TMEM120B: variants seen among roughly 807,000 people sequenced by gnomAD.
TMEM120B encodes transmembrane protein 120B.
TMEM120B carries 31 observed loss-of-function variants against 55.5 expected under a neutral mutation model. The observed-to-expected ratio is 0.56, with a 90% confidence interval of 0.42 to 0.75. The LOEUF (loss-of-function observed/expected upper bound fraction) is 0.75, where lower values mean the gene tolerates loss of function less well. TMEM120B is among the 30% of genes least tolerant of loss of function. The pLI, the probability that TMEM120B is intolerant of heterozygous loss-of-function variation, is 0.00. For synonymous variants in TMEM120B, 203 were observed against 176.3 expected (o/e 1.15, Z -1.20); for missense variants, 399 against 425.5 (o/e 0.94, Z 0.55).
In TMEM120B at chr12:121,736,014, G is replaced by A. The variant is rs1233256709; in HGVS notation, c.70-7615G>A. ...ATTTTAAACAATAATCTATAAAAGT[G>A]TTACTACCTAAGGACTTTCACTCAA... is the stretch of plus-strand genomic sequence containing the variant. On this transcript the variant is annotated intron_variant, in intron 1 of 11. Coordinates refer to ENST00000449592, the MANE Select transcript of TMEM120B (RefSeq NM_001080825.2). 2.6e-5 allele frequency among the ~76,000 whole-genome samples: 4 copies of A among 152,032 alleles called. No individual in the cohort carries two copies. In the South Asian group the frequency reaches 6.2e-4, roughly 24 times the overall value.
chr12:121,732,701 C>T (rs1044971984), intron 1 of TMEM120B, among the ~76,000 whole-genome samples: 21 of 152,066 alleles, frequency 1.4e-4, no homozygotes, highest in African/African-American at 4.1e-4. Context: ...ATAACAAGGC[C>T]GGACGCGGTG....
chr12:121,763,895 C>T (rs953439103), intron 6 of TMEM120B, among the ~76,000 whole-genome samples: 1 of 152,150 alleles, frequency 6.6e-6, no homozygotes, highest in Non-Finnish European at 1.5e-5. Flanking sequence ...CTTGTGGTTT[C>T]GTATGGCAGG....
At chr12:121,721,804 C>CTTTTTTTTTTTTT (rs56702857) in intron 1 of TMEM120B, among the ~76,000 whole-genome samples, 6 of 91,852 alleles carry the variant, frequency 6.5e-5, no homozygotes, top group Non-Finnish European at 1.0e-4. Flanking sequence ...ATCAGTTCTA[C>CTTTTTTTTTTTTT]TTTTTTTTTT....
chr12:121,750,325 G>T, intron 3 of TMEM120B, 55 bp from the exon 4 acceptor site: 1 of 1,531,568 alleles, frequency 6.5e-7, no homozygotes, highest in African/African-American at 1.4e-5. Flanking sequence ...TTTGAATGTT[G>T]TTGATTCGCA....
At chr12:121,723,490 G>A (rs1161153882) in intron 1 of TMEM120B, among the ~76,000 whole-genome samples, 8 of 152,156 alleles carry the variant, frequency 5.3e-5, no homozygotes, top group Non-Finnish European at 2.9e-5. Context: ...TTGTGCTGGC[G>A]GGGCAGGAGC....
chr12:121,738,697 G>C (rs1872826554), intron 1 of TMEM120B, among the ~76,000 whole-genome samples: 2 of 152,170 alleles, frequency 1.3e-5, no homozygotes, highest in Non-Finnish European at 1.5e-5. Context: ...GCAGAAACTG[G>C]ATGGGCATCC....
At chr12:121,714,504 C>G (rs1045240864) in intron 1 of TMEM120B, among the ~76,000 whole-genome samples, 37 of 151,640 alleles carry the variant, frequency 2.4e-4, no homozygotes, top group African/African-American at 8.7e-4. Context: ...CCTCGGCCTC[C>G]CAAAGTGCTG....
intron 1 of TMEM120B, among the ~76,000 whole-genome samples, chr12:121,716,131 CT>C (rs1894697077): frequency 6.6e-6 from 1 of 151,144 alleles, no homozygotes; most frequent in Admixed American, 6.7e-5. Flanking sequence ...AGGGAAACCC[CT>C]GTCTCTACAA....
Position 121,777,045 on chromosome 12 carries a change from T to G in TMEM120B, c.*1323T>G, listed in dbSNP as rs1466581503. The stretch of plus-strand genomic sequence containing the variant: ...ATCTCAGCTCACTGCAACCTCTGCC[T>G]CCCAGGTTCAAGTGATTCTCCTGCC... On this transcript the variant is annotated 3_prime_UTR_variant, in exon 12 of 12. Transcript: ENST00000449592. The G allele has an allele frequency of 6.6e-6, 1 of 150,592 alleles. No homozygotes were observed. Among genetic ancestry groups the G allele is most frequent in the Non-Finnish European group, 1.5e-5 (1 of 67,814 alleles). The allele number at this position is 150,592 out of a possible 1,614,324, so 9.3% of individuals were successfully genotyped here.
chr12:121,779,698 C>T lies in TMEM120B; in HGVS notation c.*3976C>T, dbSNP rs1398009531. The T allele has an allele frequency of 3.1e-6, 5 of 1,610,042 alleles. No homozygotes were observed. The African/African-American group carries it at 5.3e-5, about 17-fold the overall frequency. The stretch of plus-strand genomic sequence containing the variant: ...GGAGGAGCCAGCATTAGGTGAGGGG[C>T]CCCTGGAGGTCTCCTAGCACCACCT... On this transcript the variant is annotated 3_prime_UTR_variant, in exon 12 of 12. Transcript: ENST00000449592.
At chr12:121,773,391 C>T in intron 8 of TMEM120B, 30 bp from the exon 9 acceptor site, 5 of 1,587,366 alleles carry the variant, frequency 3.1e-6, no homozygotes, top group Non-Finnish European at 3.4e-6. Flanking sequence ...ACACCAGGCC[C>T]TGAGCCCAGG....
rs1273510085 is a variant in TMEM120B at position 121,780,964 on chromosome 12, C to T, written c.*5242C>T. 1 of 1,614,090 alleles carries T rather than the reference C, an allele frequency of 6.2e-7. No individual in the cohort carries two copies. The highest frequency in any genetic ancestry group is 1.7e-5 in the Admixed American group (1 of 60,010). On this transcript the variant is annotated 3_prime_UTR_variant, in exon 12 of 12. Transcript: ENST00000449592. The stretch of plus-strand genomic sequence containing the variant: ...AGGTCTGTCTTGCAGCCGATGAGCA[C>T]CATGGGGATCCCGCGGCAGAAATGC...
chr12:121,723,425 G>A (rs1487238091), intron 1 of TMEM120B, among the ~76,000 whole-genome samples: 2 of 152,188 alleles, frequency 1.3e-5, no homozygotes, highest in African/African-American at 4.8e-5. Context: ...ACAGCAGGGA[G>A]CTGTTACTAG....
At chr12:121,763,217 C>T (rs1184229763) in intron 6 of TMEM120B, among the ~76,000 whole-genome samples, 3 of 138,262 alleles carry the variant, frequency 2.2e-5, no homozygotes, top group Admixed American at 8.2e-5. Flanking sequence ...GGCTGGAGTG[C>T]AGTGGCGCAA....
intron 10 of TMEM120B, 117 bp from the exon 11 acceptor site, chr12:121,774,945 C>A: frequency 1.7e-6 from 2 of 1,194,336 alleles, no homozygotes; most frequent in Non-Finnish European, 2.4e-6. Context: ...GGGTGTCTGT[C>A]AGTGTTGTGG....
At chr12:121,714,118 G>A (rs962221450) in intron 1 of TMEM120B, among the ~76,000 whole-genome samples, 4 of 152,090 alleles carry the variant, frequency 2.6e-5, no homozygotes, top group African/African-American at 9.7e-5. Flanking sequence ...GAATAGAGGG[G>A]AAGGGACCTA....
Position 121,775,497 on chromosome 12 carries a change from C to T in TMEM120B, c.907-112C>T, listed in dbSNP as rs1874209409. On this transcript the variant is annotated intron_variant, in intron 11 of 11. Coordinates refer to ENST00000449592, the MANE Select transcript of TMEM120B (RefSeq NM_001080825.2). This position sits in a 1 kb window ranked among gnomAD's most constrained non-coding sequence, Gnocchi z 4.3. ...TGAATCTCTGCCTTCGATGGCAAAACCCTGCAGTTTGGGAGTTTGGGGGCA... is the reference window on the plus strand; with the variant it reads ...TGAATCTCTGCCTTCGATGGCAAAATCCTGCAGTTTGGGAGTTTGGGGGCA... The T allele has an allele frequency of 2.0e-6, 3 of 1,477,932 alleles. No homozygotes were observed. Among genetic ancestry groups the T allele is most frequent in the South Asian group, 2.8e-5 (2 of 72,470 alleles). 91.6% of individuals were successfully genotyped at this position (1,477,932 alleles called of 1,614,324 possible).
chr12:121,774,383 TAAAG>T (rs1416272497), intron 9 of TMEM120B, among the ~76,000 whole-genome samples: 1 of 152,148 alleles, frequency 6.6e-6, no homozygotes, highest in Non-Finnish European at 1.5e-5. Context: ...CTGTGCAGAT[TAAAG>T]AAATTAGTAA....
intron 1 of TMEM120B, among the ~76,000 whole-genome samples, chr12:121,718,085 G>C (rs1216908499): frequency 1.3e-5 from 2 of 152,154 alleles, no homozygotes; most frequent in Non-Finnish European, 2.9e-5. Context: ...CTCAGGTTGA[G>C]TTTCTTTATC....
Sources: gnomAD v4.1 joint callset for allele counts (sites outside exome capture counted in the v4.1 genomes callset) on GRCh38, gnomAD v4.1.1 for gene constraint, Gnocchi (gnomAD v3.1) non-coding constraint, MANE v1.5 for transcripts, NCBI Gene and HGNC (gene_info 2026-07-23, HGNC 2026-07-21) for gene names.